Variants in MT1X observed in about 807,000 individuals in gnomAD.
MT1X encodes the protein metallothionein 1X, also known as metallothionein-1X.
Under a neutral mutation model 8.6 loss-of-function variants are expected in MT1X, and 7 were observed. The observed-to-expected ratio is 0.81, with a 90% CI of 0.46 to 1.52. The LOEUF is 1.52. MT1X is among the 40% of genes most tolerant of loss of function. The pLI is 0.01. For missense variants in MT1X, 72 were observed against 74.3 expected (o/e 0.97, Z 0.11); for synonymous variants, 25 against 27.6 (o/e 0.91, Z 0.30).
Position 56,683,967 on chromosome 16 carries a change from C to T in MT1X, c.104C>T (p.Ser35Phe). The T allele has an allele frequency of 1.2e-6, 2 of 1,614,158 alleles. No homozygotes were observed. Among genetic ancestry groups the T allele is most frequent in the East Asian group, 2.2e-5 (1 of 44,882 alleles). ...KCTSCKKSCC[S>F]CCPVGCAKCA... ...TCCCCTTCTTCTCCAGGCTGCTGCT[C>T]CTGCTGCCCTGTGGGCTGTGCCAAG... is the stretch of plus-strand genomic sequence containing the variant. The change falls in exon 3 of 3, where the codon TCC (serine) becomes TTC (phenylalanine). Residue 35 changes from serine to phenylalanine, a missense_variant. Ser to Phe is a radical substitution (Grantham distance 155). Coordinates refer to ENST00000394485, the MANE Select transcript of MT1X (RefSeq NM_005952.4).
At chr16:56,682,670 G>T in intron 1 of MT1X, 102 bp downstream of exon 1, 1 of 1,420,912 alleles carries the variant, frequency 7.0e-7, no homozygotes, top group South Asian at 1.2e-5. Context: ...CTGAGCTGAA[G>T]GGGCTCCTTT....
intron 1 of MT1X, 200 bp from the exon 2 acceptor site, chr16:56,682,965 G>C: frequency 1.5e-6 from 1 of 654,736 alleles, no homozygotes; most frequent in East Asian, 2.8e-5. Flanking sequence ...CCTTGCTTGT[G>C]GGGTAAAAGC....
chr16:56,682,712 C>T, intron 1 of MT1X, 144 bp downstream of exon 1: 1 of 1,031,312 alleles, frequency 9.7e-7, no homozygotes, highest in Non-Finnish European at 1.5e-6. Context: ...CCGATCACGT[C>T]CCTGAGACCA....
intron 2 of MT1X, 50 bp from the exon 3 acceptor site, chr16:56,683,908 G>A (rs753207724): frequency 2.5e-6 from 4 of 1,611,698 alleles, no homozygotes; most frequent in Admixed American, 1.7e-5. Context: ...GGGGCAGGGA[G>A]GTGCCTGATT....
intron 1 of MT1X, 107 bp downstream of exon 1, chr16:56,682,675 T>C: frequency 7.3e-7 from 1 of 1,363,642 alleles, no homozygotes; most frequent in Non-Finnish European, 1.0e-6. Context: ...CTGAAGGGGC[T>C]CCTTTATTTC....
chr16:56,683,133 C>A, intron 1 of MT1X, 32 bp from the exon 2 acceptor site: 1 of 1,613,100 alleles, frequency 6.2e-7, no homozygotes. Context: ...GCATCTCACT[C>A]CACGCTCACT....
chr16:56,683,385 G>T, intron 2 of MT1X, 155 bp downstream of exon 2: 2 of 815,332 alleles, frequency 2.5e-6, no homozygotes, highest in Non-Finnish European at 1.9e-6. Flanking sequence ...CCTTAAAAAT[G>T]GGTGAGTCCC....
chr16:56,682,989 C>T (rs757818175), intron 1 of MT1X, 176 bp from the exon 2 acceptor site: 11 of 742,780 alleles, frequency 1.5e-5, no homozygotes, highest in Non-Finnish European at 2.4e-5. Context: ...AGAACACTTG[C>T]CCTTCCCAAA....
Position 56,684,054 on chromosome 16 carries a change from A to G in MT1X, c.*5A>G. ...AAGTGCAGCTGCTGTGCCTGATGCC[A>G]GGACAGCTGTGCTCTCAGATGTAAA... On this transcript the variant is annotated 3_prime_UTR_variant, in exon 3 of 3. Coordinates refer to ENST00000394485, the MANE Select transcript of MT1X (RefSeq NM_005952.4). 1 of 1,612,454 alleles carries G rather than the reference A, an allele frequency of 6.2e-7. No individual in the cohort carries two copies. The highest frequency in any genetic ancestry group is 8.5e-7 in the Non-Finnish European group (1 of 1,179,508).
At chr16:56,682,828 A>G (rs533885781) in intron 1 of MT1X, 7 of 597,216 alleles carry the variant, frequency 1.2e-5, no homozygotes, top group East Asian at 5.7e-5. Context: ...CTGAGCCCCA[A>G]TGCTCTGACC....
In MT1X at chr16:56,684,182, A is replaced by C; in HGVS notation, c.*133A>C. The C allele has an allele frequency of 5.3e-6, 6 of 1,124,082 alleles. No individual in the cohort carries two copies. The highest frequency in any genetic ancestry group is 7.4e-6 in the Non-Finnish European group (6 of 808,640). The allele number at this position is 1,124,082 out of a possible 1,614,324, so 69.6% of individuals were successfully genotyped here. A position where few individuals can be genotyped will look rare whatever the true frequency, so the allele number is the denominator to read the frequency against. ...TCTATGAAATATGTGAATGGCAATA[A>C]ATTCATCTAGACTATTCTGGCTCTG... On this transcript the variant is annotated 3_prime_UTR_variant, in exon 3 of 3. Transcript: ENST00000394485.
rs1344183466 is a variant in MT1X, at chr16:56,683,201, A to G, written c.65A>G (p.Lys22Arg). ...SCACAGSCKC[K>R]ECKCTSCKKS... is the part of the protein sequence containing the mutation. ...GCCTGTGCCGGCTCCTGCAAATGCA[A>G]AGAGTGCAAATGCACCTCCTGCAAG... Residue 22 changes from lysine (K) to arginine (R), a missense_variant, in exon 2 of 3, where the codon AAA becomes AGA. Physicochemically the swap from Lys to Arg is conservative, Grantham distance 26. Transcript: ENST00000394485. 6.2e-7 allele frequency: 1 copy of G among 1,613,838 alleles called. No individual in the cohort carries two copies. Among genetic ancestry groups the G allele is most frequent in the Non-Finnish European group, 8.5e-7 (1 of 1,179,898 alleles).
chr16:56,683,632 T>C (rs59145355), intron 2 of MT1X: 9,932 of 402,144 alleles, frequency 0.025, 273 homozygotes, highest in East Asian at 0.1. Flanking sequence ...CCAGAACTGC[T>C]GTGTCAGGGA....
intron 2 of MT1X, chr16:56,683,444 T>G: frequency 1.8e-6 from 1 of 552,480 alleles, no homozygotes; most frequent in Non-Finnish European, 3.2e-6. Context: ...GGTTACCAGA[T>G]AGTGTTGGGA....
intron 2 of MT1X, 126 bp downstream of exon 2, chr16:56,683,356 A>G (rs1961025395): frequency 1.8e-6 from 2 of 1,093,140 alleles, no homozygotes; most frequent in Non-Finnish European, 2.7e-6. Context: ...CACCTGATTC[A>G]GAATCAGACC....
rs1454946764 is a variant in MT1X at position 56,683,217 on chromosome 16, C to G, written c.81C>G (p.Thr27=). The stretch of plus-strand genomic sequence containing the variant: ...GCAAATGCAAAGAGTGCAAATGCAC[C>G]TCCTGCAAGAAGAGTGAGTGCAGGG... ...GSCKCKECKC[T]SCKKSCCSCC... is the part of the protein sequence containing the mutation. The change falls in exon 2 of 3, where the codon ACC becomes ACG. Residue 27 remains threonine (T), a synonymous_variant. Coordinates refer to ENST00000394485, the MANE Select transcript of MT1X (RefSeq NM_005952.4). 1 of 1,614,018 alleles carries G rather than the reference C, an allele frequency of 6.2e-7. No individual in the cohort carries two copies. The highest frequency in any genetic ancestry group is 1.7e-5 in the Admixed American group (1 of 60,022).
rs1467621753 is a variant in MT1X at position 56,683,776 on chromosome 16, GGCA to G, written c.95-179_95-177del. The G allele has an allele frequency of 4.6e-6, 4 of 862,546 alleles. No homozygotes were observed. In the African/African-American group the frequency reaches 6.8e-5, roughly 15 times the overall value. The allele number at this position is 862,546 out of a possible 1,614,324, so 53.4% of individuals were successfully genotyped here. ...CCTGTCCCAGACTCAGGTGGGGCTG[GGCA>G]GCTTTTTCATATAAAACCCTCATCC... is the stretch of plus-strand genomic sequence containing the variant. On this transcript the variant is annotated intron_variant, in intron 2 of 2. Transcript: ENST00000394485.
chr16:56,683,703 C>A (rs1961029387), intron 2 of MT1X: 2 of 515,200 alleles, frequency 3.9e-6, no homozygotes, highest in Admixed American at 7.1e-5. Flanking sequence ...GGGGAACTGG[C>A]CTCCTTTTGT....
rs760432630 is a variant in MT1X at position 56,682,581 on chromosome 16, T to C, written c.28+13T>C. 6.2e-6 allele frequency: 10 copies of C among 1,614,186 alleles called. No homozygotes were observed. The South Asian group carries it at 9.9e-5, about 16-fold the overall frequency. On this transcript the variant is annotated intron_variant, in intron 1 of 2. Transcript: ENST00000394485. ...TCCTGCTCGCCTGGTAAGGGACACC[T>C]AGCTCCGCGCCTTGGGATGCCCGTT...
Sources: allele counts gnomAD v4.1 joint callset, GRCh38; gene constraint gnomAD v4.1.1; transcripts MANE v1.5; gene names NCBI Gene and HGNC (gene_info 2026-07-23, HGNC 2026-07-21).